Variants in TRIM40 observed in about 807,000 individuals in gnomAD.
The protein encoded by TRIM40 is E3 ubiquitin ligase TRIM40.
In TRIM40, 27 loss-of-function variants were observed where a neutral mutation model predicts 26.1. The observed-to-expected ratio is 1.04, with a 90% CI of 0.76 to 1.43. TRIM40 has a LOEUF of 1.43. TRIM40 is among the 40% of genes most tolerant of loss of function. The pLI is 0.00. For synonymous variants in TRIM40, 114 were observed against 120.0 expected (o/e 0.95, Z 0.33); for missense variants, 289 against 307.9 (o/e 0.94, Z 0.46).
At position 30,146,062 on chromosome 6, in the gene TRIM40, G is replaced by A. The variant is rs749712132; in HGVS notation, c.414G>A (p.Gln138=). Residue 138 remains glutamine, a synonymous_variant, in exon 3 of 6, where the codon CAG becomes CAA. Transcript: ENST00000396581. The part of the protein sequence containing the change: ...DIAELQRLKA[Q]QEKKLQALQF... ...CAGAACTTCAGCGGCTCAAGGCTCAGCAGGAGAAGAAACTGCAGGCTCTGC... is the reference window on the plus strand; with the variant it reads ...CAGAACTTCAGCGGCTCAAGGCTCAACAGGAGAAGAAACTGCAGGCTCTGC... 6.2e-7 allele frequency: 1 copy of A among 1,613,032 alleles called. No homozygotes were observed. Among genetic ancestry groups the A allele is most frequent in the South Asian group, 1.1e-5 (1 of 91,072 alleles).
Position 30,146,051 on chromosome 6 carries a change from C to G in TRIM40, c.403C>G (p.Leu135Val). 6.2e-7 allele frequency: 1 copy of G among 1,613,040 alleles called. No homozygotes were observed. Among genetic ancestry groups the G allele is most frequent in the African/African-American group, 1.3e-5 (1 of 75,040 alleles). The change falls in exon 3 of 6, where the codon CTC (leucine) becomes GTC (valine). Residue 135 changes from leucine to valine, a missense_variant. Transcript: ENST00000396581. ...LRKDIAELQR[L>V]KAQQEKKLQA... ...AAAGGACATTGCAGAACTTCAGCGGCTCAAGGCTCAGCAGGAGAAGAAACT... is the reference window on the plus strand; with the variant it reads ...AAAGGACATTGCAGAACTTCAGCGGGTCAAGGCTCAGCAGGAGAAGAAACT...
chr6:30,136,999 C>T lies in TRIM40; in HGVS notation c.-38C>T. 6.3e-7 allele frequency: 1 copy of T among 1,585,752 alleles called. No homozygotes were observed. The highest frequency in any genetic ancestry group is 8.6e-7 in the Non-Finnish European group (1 of 1,163,412). ...TTCCGAAGACCAGTGAAGAAGGAGG[C>T]CCTGCAAACAGGAGGCTGACAGGGT... is the stretch of plus-strand genomic sequence containing the variant. On this transcript the variant is annotated 5_prime_UTR_variant, in exon 2 of 6. Coordinates refer to ENST00000396581, the MANE Select transcript of TRIM40 (RefSeq NM_001286633.2).
rs1262973461 is a variant in TRIM40, at chr6:30,148,425, T to G, written c.*613T>G. ...GGTGATAGGGTGTCACTCTGGCAACTGTGTTGCATTGTATAGAACTCCTCC... is the reference window on the plus strand; with the variant it reads ...GGTGATAGGGTGTCACTCTGGCAACGGTGTTGCATTGTATAGAACTCCTCC... On this transcript the variant is annotated 3_prime_UTR_variant, in exon 6 of 6. Coordinates refer to ENST00000396581, the MANE Select transcript of TRIM40 (RefSeq NM_001286633.2). 6.4e-6 allele frequency: 1 copy of G among 156,706 alleles called. No homozygotes were observed. The highest frequency in any genetic ancestry group is 1.9e-4 in the East Asian group (1 of 5,354). 9.7% of individuals were successfully genotyped at this position (156,706 alleles called of 1,614,324 possible). A position where few individuals can be genotyped will look rare whatever the true frequency, so the allele number is the denominator to read the frequency against.
At chr6:30,143,227 A>G (rs1410751186) in intron 2 of TRIM40, among the ~76,000 whole-genome samples, 1 of 152,116 alleles carries the variant, frequency 6.6e-6, no homozygotes, top group Admixed American at 6.5e-5. Flanking sequence ...GAGGGTAGCT[A>G]TGTATTTTAC....
At position 30,148,049 on chromosome 6, in the gene TRIM40, G is replaced by A. The variant is rs1050278148; in HGVS notation, c.*237G>A. 3 of 582,620 alleles carry A rather than the reference G, an allele frequency of 5.1e-6. No homozygotes were observed. The highest frequency in any genetic ancestry group is 9.2e-6 in the Non-Finnish European group (3 of 327,594). 36.1% of individuals were successfully genotyped at this position (582,620 alleles called of 1,614,324 possible). ...TCATGCTTGGGGCTGCCACTGTGGA[G>A]GTCGGGGCCCATGGTCTCCAGGAGC... On this transcript the variant is annotated 3_prime_UTR_variant, in exon 6 of 6. Transcript: ENST00000396581.
At chr6:30,145,267 A>C (rs950944360) in intron 2 of TRIM40, among the ~76,000 whole-genome samples, 13 of 152,106 alleles carry the variant, frequency 8.5e-5, no homozygotes, top group African/African-American at 3.1e-4. Flanking sequence ...CTAATAGCAC[A>C]TCCTGATCTT....
chr6:30,141,941 A>G (rs1162316661), intron 2 of TRIM40, among the ~76,000 whole-genome samples: 1 of 152,186 alleles, frequency 6.6e-6, no homozygotes, highest in Non-Finnish European at 1.5e-5. Flanking sequence ...GACAGCAAAC[A>G]AGAAGGTGAT....
intron 2 of TRIM40, among the ~76,000 whole-genome samples, chr6:30,143,733 T>C (rs1467646387): frequency 6.6e-6 from 1 of 152,210 alleles, no homozygotes; most frequent in East Asian, 1.9e-4. Flanking sequence ...TTATATTATA[T>C]GCACCCATTA....
Position 30,145,974 on chromosome 6 carries a change from A to C in TRIM40, c.346-20A>C. 1 of 1,608,604 alleles carries C rather than the reference A, an allele frequency of 6.2e-7. No homozygotes were observed. Among genetic ancestry groups the C allele is most frequent in the African/African-American group, 1.3e-5 (1 of 74,922 alleles). On this transcript the variant is annotated intron_variant, in intron 2 of 5. Coordinates refer to ENST00000396581, the MANE Select transcript of TRIM40 (RefSeq NM_001286633.2). ...CCCCCTCACTCCCAGTCTGACAAGCAGGTGTGTCTGTCTCTTTAGGAACGA... is the reference window on the plus strand; with the variant it reads ...CCCCCTCACTCCCAGTCTGACAAGCCGGTGTGTCTGTCTCTTTAGGAACGA...
chr6:30,139,599 C>A (rs1240772688), intron 2 of TRIM40, among the ~76,000 whole-genome samples: 1 of 152,014 alleles, frequency 6.6e-6, no homozygotes, highest in Non-Finnish European at 1.5e-5. Context: ...CGCTGGCCTC[C>A]CAAAAGAACT....
chr6:30,145,080 C>T (rs1414722254), intron 2 of TRIM40, among the ~76,000 whole-genome samples: 10 of 152,138 alleles, frequency 6.6e-5, no homozygotes, highest in African/African-American at 2.2e-4. Flanking sequence ...TTGCTGACCC[C>T]TCACACACAC....
At chr6:30,146,772 A>G (rs1258274506) in intron 3 of TRIM40, among the ~76,000 whole-genome samples, 1 of 152,158 alleles carries the variant, frequency 6.6e-6, no homozygotes, top group African/African-American at 2.4e-5. Context: ...GTCACATGGC[A>G]TCTGTAGATA....
At chr6:30,141,994 C>G (rs1463165836) in intron 2 of TRIM40, among the ~76,000 whole-genome samples, 1 of 152,038 alleles carries the variant, frequency 6.6e-6, no homozygotes, top group Non-Finnish European at 1.5e-5. Context: ...AAAAGTAACA[C>G]AGAGAGGGAG....
intron 5 of TRIM40, 45 bp from the exon 6 acceptor site, chr6:30,147,680 A>T (rs759554007): frequency 6.8e-5 from 109 of 1,608,952 alleles, no homozygotes; most frequent in Non-Finnish European, 8.6e-5. Context: ...AGCCAATGGA[A>T]TATATGAATA....
chr6:30,147,256 G>A (rs1324117494), intron 4 of TRIM40, 47 bp downstream of exon 4: 1 of 1,604,792 alleles, frequency 6.2e-7, no homozygotes, highest in South Asian at 1.1e-5. Flanking sequence ...CTCCCCGATA[G>A]GAGGCAGCCC....
chr6:30,148,047 G>A lies in TRIM40; in HGVS notation c.*235G>A. ...GCTCATGCTTGGGGCTGCCACTGTG[G>A]AGGTCGGGGCCCATGGTCTCCAGGA... On this transcript the variant is annotated 3_prime_UTR_variant, in exon 6 of 6. Coordinates refer to ENST00000396581, the MANE Select transcript of TRIM40 (RefSeq NM_001286633.2). 1.7e-6 allele frequency: 1 copy of A among 586,226 alleles called. No homozygotes were observed. Among genetic ancestry groups the A allele is most frequent in the East Asian group, 2.8e-5 (1 of 36,016 alleles). 36.3% of individuals were successfully genotyped at this position (586,226 alleles called of 1,614,324 possible). A position where few individuals can be genotyped will look rare whatever the true frequency, so the allele number is the denominator to read the frequency against.
rs758656723 is a variant in TRIM40 at position 30,137,170 on chromosome 6, C to T, written c.134C>T (p.Ala45Val). 21 of 1,612,962 alleles carry T rather than the reference C, an allele frequency of 1.3e-5. No individual in the cohort carries two copies. Among genetic ancestry groups the T allele is most frequent in the African/African-American group, 4.0e-5 (3 of 74,926 alleles). ...TGCCTGACACAGCATGTGGAGAAGGCCTCAGCCTCTGGGGTCTTCTGCTGC... is the reference window on the plus strand; with the variant it reads ...TGCCTGACACAGCATGTGGAGAAGGTCTCAGCCTCTGGGGTCTTCTGCTGC... The part of the protein sequence containing the change: ...RVCLTQHVEK[A>V]SASGVFCCPL... The change falls in exon 2 of 6, where the codon GCC becomes GTC. Residue 45 changes from alanine to valine, a missense_variant. Physicochemically the swap from Ala to Val is moderately conservative, Grantham distance 64. Transcript: ENST00000396581.
chr6:30,147,975 C>A lies in TRIM40; in HGVS notation c.*163C>A. 3 of 631,846 alleles carry A rather than the reference C, an allele frequency of 4.7e-6. No homozygotes were observed. Among genetic ancestry groups the A allele is most frequent in the Admixed American group, 2.8e-5 (1 of 35,958 alleles). 39.1% of individuals were successfully genotyped at this position (631,846 alleles called of 1,614,324 possible). On this transcript the variant is annotated 3_prime_UTR_variant, in exon 6 of 6. Coordinates refer to ENST00000396581, the MANE Select transcript of TRIM40 (RefSeq NM_001286633.2). Reference sequence around the variant, plus strand: ...TCATGTCCACAGTCATCACCTGATGCCTGACCCTCTGACTCTTGGACGATA... The same window carrying A: ...TCATGTCCACAGTCATCACCTGATGACTGACCCTCTGACTCTTGGACGATA...
intron 2 of TRIM40, among the ~76,000 whole-genome samples, chr6:30,138,109 A>C (rs146640348): frequency 0.014 from 2,060 of 152,090 alleles, 29 homozygotes; most frequent in Middle Eastern, 0.041. Flanking sequence ...GATTCTCTCT[A>C]TATTTTTTTC....
Sources: allele counts gnomAD v4.1 joint callset (sites outside exome capture counted in the v4.1 genomes callset), GRCh38; gene constraint gnomAD v4.1.1; transcripts MANE v1.5; gene names NCBI Gene and HGNC (gene_info 2026-07-23, HGNC 2026-07-21).